The following VPS8 variants were observed in gnomAD, a reference collection of about 807,000 sequenced individuals.
VPS8 encodes the protein vacuolar protein sorting-associated protein 8 homolog.
In VPS8, 129 loss-of-function variants were observed where a neutral mutation model predicts 216.4. That is an observed-to-expected ratio of 0.60 (90% CI 0.52 to 0.69). The LOEUF is 0.69. Among genes scored for constraint, VPS8 ranks in the 30% least tolerant of loss-of-function variants. The probability of loss-of-function intolerance (pLI) is 0.00; values close to 1 mark genes in which losing one functional copy is unlikely to be tolerated. For synonymous variants in VPS8, 571 were observed against 565.4 expected (o/e 1.01, Z -0.14); for missense variants, 1,531 against 1,683.5 (o/e 0.91, Z 1.59).
chr3:185,051,822 T>C (rs1182201768), intron 47 of VPS8, 54 bp from the exon 48 acceptor site: 5 of 1,499,522 alleles, frequency 3.3e-6, no homozygotes, highest in Non-Finnish European at 4.4e-6. Context: ...TTCAGGAGCC[T>C]CTCTTCCCTC....
At chr3:184,834,344 T>C (rs146355172) in intron 4 of VPS8, among the ~76,000 whole-genome samples, 24 of 152,258 alleles carry the variant, frequency 1.6e-4, no homozygotes, top group Admixed American at 1.4e-3. Flanking sequence ...TTAATACATT[T>C]TAAGGTGGGA....
At chr3:184,967,562 G>C (rs980485714) in intron 39 of VPS8, among the ~76,000 whole-genome samples, 1 of 152,068 alleles carries the variant, frequency 6.6e-6, no homozygotes, top group Admixed American at 6.5e-5. Flanking sequence ...TGGTGGCCAG[G>C]CATGGTGGCT....
At chr3:185,021,815 A>C (rs913970561) in intron 45 of VPS8, among the ~76,000 whole-genome samples, 3 of 152,210 alleles carry the variant, frequency 2.0e-5, no homozygotes, top group Non-Finnish European at 4.4e-5. Flanking sequence ...AGGAAATAGT[A>C]TATTTCCTAT....
At chr3:184,966,847 T>C in intron 39 of VPS8, 134 bp downstream of exon 39, 2 of 544,210 alleles carry the variant, frequency 3.7e-6, no homozygotes, top group Non-Finnish European at 5.9e-6. Flanking sequence ...CATTTTAACA[T>C]GGATCCAAAT....
intron 42 of VPS8, among the ~76,000 whole-genome samples, chr3:184,992,787 G>C (rs1752078258): frequency 6.6e-6 from 1 of 152,070 alleles, no homozygotes; most frequent in African/African-American, 2.4e-5. Context: ...TATTAGTCTA[G>C]CCAAAGGTCA....
chr3:184,876,072 C>T (rs1487316553), intron 21 of VPS8, among the ~76,000 whole-genome samples: 2 of 151,842 alleles, frequency 1.3e-5, no homozygotes, highest in Admixed American at 1.3e-4. Flanking sequence ...TTCTGTGGAC[C>T]CTTTTATTTC....
intron 2 of VPS8, 120 bp downstream of exon 2, chr3:184,824,905 ATTT>A (rs71298576): frequency 4.3e-3 from 2,900 of 674,744 alleles, no homozygotes; most frequent in South Asian, 5.0e-3. Context: ...TCTGTGTATA[ATTT>A]TTTTTTTTTT....
chr3:185,048,692 C>T, intron 47 of VPS8, 133 bp downstream of exon 47: 2 of 900,578 alleles, frequency 2.2e-6, no homozygotes, highest in Non-Finnish European at 3.4e-6. Context: ...GTTATGGCTA[C>T]ATGGACAACA....
chr3:184,832,223 T>G (rs1720140666), intron 3 of VPS8, among the ~76,000 whole-genome samples: 1 of 152,242 alleles, frequency 6.6e-6, no homozygotes, highest in African/African-American at 2.4e-5. Context: ...GAAATCACTG[T>G]GTCTTTCTGT....
At chr3:184,856,650 T>G (rs1402856136) in intron 14 of VPS8, among the ~76,000 whole-genome samples, 1 of 152,192 alleles carries the variant, frequency 6.6e-6, no homozygotes, top group Admixed American at 6.5e-5. Context: ...TTTCTCCTTT[T>G]TTGTCTCCCC....
At chr3:185,012,950 A>G (rs1755236226) in intron 45 of VPS8, among the ~76,000 whole-genome samples, 1 of 149,106 alleles carries the variant, frequency 6.7e-6, no homozygotes, top group African/African-American at 2.6e-5. Context: ...TAGATTATAG[A>G]TTAGCTAAAA....
chr3:184,935,621 T>G (rs565808428), intron 34 of VPS8, among the ~76,000 whole-genome samples: 6 of 152,198 alleles, frequency 3.9e-5, no homozygotes, highest in African/African-American at 1.4e-4. Flanking sequence ...AGAAACCAAG[T>G]AAGAAGAGAG....
chr3:185,043,908 G>A (rs1199907182), intron 46 of VPS8, among the ~76,000 whole-genome samples: 5 of 152,080 alleles, frequency 3.3e-5, no homozygotes, highest in East Asian at 1.9e-4. Context: ...AGTGACTTTC[G>A]GCTGGGCACA....
At chr3:185,049,834 C>G (rs1472747588) in intron 47 of VPS8, among the ~76,000 whole-genome samples, 1 of 152,136 alleles carries the variant, frequency 6.6e-6, no homozygotes, top group African/African-American at 2.4e-5. Context: ...TACTTGGCAG[C>G]CGGAGGAAAG....
At chr3:184,973,453 G>T (rs1366880317) in intron 40 of VPS8, among the ~76,000 whole-genome samples, 1 of 152,028 alleles carries the variant, frequency 6.6e-6, no homozygotes, top group Non-Finnish European at 1.5e-5. Flanking sequence ...CATATTCGTG[G>T]GGTTAATGTG....
chr3:184,894,004 A>G (rs1732860051), intron 22 of VPS8, among the ~76,000 whole-genome samples: 1 of 152,220 alleles, frequency 6.6e-6, no homozygotes, highest in Admixed American at 6.5e-5. Flanking sequence ...GGTTGTTTCC[A>G]GAAATATGAA....
chr3:184,814,482 G>A (rs1032091751), intron 1 of VPS8, among the ~76,000 whole-genome samples: 13 of 152,224 alleles, frequency 8.5e-5, no homozygotes, highest in Admixed American at 7.2e-4. Context: ...TACACACCTA[G>A]ACTATGTGGG....
intron 1 of VPS8, among the ~76,000 whole-genome samples, chr3:184,816,510 C>T: frequency 6.6e-6 from 1 of 152,202 alleles, no homozygotes; most frequent in Non-Finnish European, 1.5e-5. Context: ...GCAGTTCTGG[C>T]ACTGTGAGCT....
At chr3:184,961,721 C>CTTTTTTTTTTTTTTTTT (rs34091156) in intron 37 of VPS8, among the ~76,000 whole-genome samples, 1 of 143,866 alleles carries the variant, frequency 7.0e-6, no homozygotes, top group Admixed American at 6.9e-5. Flanking sequence ...TATAAGTTGC[C>CTTTTTTTTTTTTTTTTT]TTTTTTTTTT....
Sources: gnomAD v4.1 joint callset for allele counts (sites outside exome capture counted in the v4.1 genomes callset) on GRCh38, gnomAD v4.1.1 for gene constraint, MANE v1.5 for transcripts, NCBI Gene and HGNC (gene_info 2026-07-23, HGNC 2026-07-21) for gene names.